Variants in RBMS3 observed in about 807,000 individuals in gnomAD.
RBMS3 encodes the protein RNA binding motif single stranded interacting protein 3, also known as RNA-binding motif, single-stranded-interacting protein 3.
In RBMS3, 27 loss-of-function variants were observed where a neutral mutation model predicts 66.8. The ratio of observed to expected loss-of-function variants is 0.40; its 90% CI spans 0.30 to 0.56. RBMS3 has a LOEUF of 0.56. Ranked by LOEUF, RBMS3 falls within the 20% of genes least tolerant of loss-of-function variation. The pLI, the probability that RBMS3 is intolerant of heterozygous loss-of-function variation, is 0.40. For synonymous variants in RBMS3, 188 were observed against 183.0 expected (o/e 1.03, Z -0.22); for missense variants, 513 against 549.5 (o/e 0.93, Z 0.66).
chr3:29,690,972 G>C (rs770710226), intron 4 of RBMS3, among the ~76,000 whole-genome samples: 2 of 152,162 alleles, frequency 1.3e-5, no homozygotes, highest in Non-Finnish European at 2.9e-5. Context: ...GTGCTTAAGA[G>C]GGTTTTTATA....
At chr3:29,410,989 C>G (rs1173322447) in intron 1 of RBMS3, among the ~76,000 whole-genome samples, 2 of 146,240 alleles carry the variant, frequency 1.4e-5, no homozygotes, top group East Asian at 2.0e-4. Flanking sequence ...AAAAGCAACA[C>G]AACTACATGT....
intron 7 of RBMS3, among the ~76,000 whole-genome samples, chr3:29,875,455 T>C (rs890392327): frequency 4.6e-5 from 7 of 151,980 alleles, no homozygotes; most frequent in African/African-American, 1.2e-4. Context: ...TGATTAAAGA[T>C]GAAATATTAC....
intron 4 of RBMS3, among the ~76,000 whole-genome samples, chr3:29,664,166 A>ACTTAAT (rs2050664340): frequency 6.6e-6 from 1 of 152,106 alleles, no homozygotes; most frequent in Non-Finnish European, 1.5e-5. Context: ...ATTTAAGGGA[A>ACTTAAT]CTGGTGTTAA....
intron 3 of RBMS3, among the ~76,000 whole-genome samples, chr3:29,525,139 G>GA (rs1470180596): frequency 6.6e-6 from 1 of 152,000 alleles, no homozygotes; most frequent in Non-Finnish European, 1.5e-5. Context: ...CCTTTAGTGA[G>GA]GAAAAACATT....
intron 6 of RBMS3, among the ~76,000 whole-genome samples, chr3:29,763,458 G>T (rs2055785729): frequency 6.6e-6 from 1 of 152,024 alleles, no homozygotes; most frequent in Non-Finnish European, 1.5e-5. Flanking sequence ...ACAATGTCAT[G>T]AAATCTCAGT....
intron 2 of RBMS3, among the ~76,000 whole-genome samples, chr3:29,477,320 A>C (rs1431320814): frequency 6.6e-6 from 1 of 152,148 alleles, no homozygotes; most frequent in Non-Finnish European, 1.5e-5. Context: ...ATATCACTGT[A>C]CCTGGACATA....
intron 6 of RBMS3, among the ~76,000 whole-genome samples, chr3:29,849,173 T>A (rs1293470915): frequency 7.8e-5 from 4 of 51,238 alleles, no homozygotes; most frequent in Non-Finnish European, 2.5e-4. Flanking sequence ...CAAAGGAATG[T>A]GTGTGTGTGT....
chr3:29,989,967 A>G (rs1045338473), intron 13 of RBMS3, among the ~76,000 whole-genome samples: 3 of 152,196 alleles, frequency 2.0e-5, no homozygotes, highest in African/African-American at 7.2e-5. Context: ...ATTATGAGAC[A>G]TTTGACAGCG....
chr3:29,646,769 G>A (rs754565267), intron 4 of RBMS3, among the ~76,000 whole-genome samples: 1 of 150,786 alleles, frequency 6.6e-6, no homozygotes, highest in Non-Finnish European at 1.5e-5. Flanking sequence ...ATGATGTCTA[G>A]GTGATAGAGG....
intron 4 of RBMS3, among the ~76,000 whole-genome samples, chr3:29,619,638 A>G (rs1243557425): frequency 6.6e-6 from 1 of 152,198 alleles, no homozygotes; most frequent in Non-Finnish European, 1.5e-5. Context: ...AATGGGTACA[A>G]TGCTCTGATT....
chr3:29,501,482 G>T (rs3773037), intron 3 of RBMS3, among the ~76,000 whole-genome samples: 1 of 152,114 alleles, frequency 6.6e-6, no homozygotes, highest in African/African-American at 2.4e-5. Flanking sequence ...AGTATCACAC[G>T]TAAATTTGTG....
At chr3:29,863,559 A>G (rs920171994) in intron 6 of RBMS3, among the ~76,000 whole-genome samples, 4 of 152,162 alleles carry the variant, frequency 2.6e-5, no homozygotes, top group African/African-American at 9.7e-5. Context: ...ATCAATATTC[A>G]TAGCCTAACT....
At chr3:29,296,437 T>A (rs894845749) in intron 1 of RBMS3, among the ~76,000 whole-genome samples, 1 of 151,832 alleles carries the variant, frequency 6.6e-6, no homozygotes, top group African/African-American at 2.4e-5. Flanking sequence ...GCTTAATCAG[T>A]GTCAAGTAAT....
intron 3 of RBMS3, among the ~76,000 whole-genome samples, chr3:29,540,320 A>T (rs2045711182): frequency 6.6e-6 from 1 of 152,096 alleles, no homozygotes; most frequent in African/African-American, 2.4e-5. Context: ...TTATTTTTAA[A>T]ATTTGTTTAT....
At chr3:29,544,694 T>C (rs1406854444) in intron 3 of RBMS3, among the ~76,000 whole-genome samples, 1 of 117,768 alleles carries the variant, frequency 8.5e-6, no homozygotes, top group Non-Finnish European at 1.8e-5. Context: ...GGGAGTGAAA[T>C]GTAAATGTGT....
intron 4 of RBMS3, among the ~76,000 whole-genome samples, chr3:29,730,034 G>A: frequency 6.6e-6 from 1 of 150,844 alleles, no homozygotes; most frequent in African/African-American, 2.4e-5. Context: ...ACCATAAAAA[G>A]GTAAAGGTAA....
At chr3:29,980,445 C>T (rs769417610) in intron 12 of RBMS3, among the ~76,000 whole-genome samples, 5 of 152,142 alleles carry the variant, frequency 3.3e-5, no homozygotes, top group Non-Finnish European at 7.3e-5. Flanking sequence ...AATTAGATTC[C>T]ATTTGTCAAT....
At chr3:29,774,076 G>C (rs532108849) in intron 6 of RBMS3, among the ~76,000 whole-genome samples, 6 of 151,904 alleles carry the variant, frequency 3.9e-5, no homozygotes, top group Non-Finnish European at 8.8e-5. Context: ...CACTAAATTT[G>C]TTATTCTATG....
intron 3 of RBMS3, among the ~76,000 whole-genome samples, chr3:29,565,992 G>A (rs796686872): frequency 4.6e-5 from 7 of 152,260 alleles, no homozygotes; most frequent in African/African-American, 1.4e-4. Flanking sequence ...GTATCAGAGA[G>A]TTATGAGAAT....
Sources: allele counts gnomAD v4.1 joint callset (sites outside exome capture counted in the v4.1 genomes callset), GRCh38; gene constraint gnomAD v4.1.1; transcripts MANE v1.5; gene names NCBI Gene and HGNC (gene_info 2026-07-23, HGNC 2026-07-21).